AHCYL2: variants seen among roughly 807,000 people sequenced by gnomAD.
AHCYL2 encodes adenosylhomocysteinase like 2.
Under a neutral mutation model 81.4 loss-of-function variants are expected in AHCYL2, and 28 were observed. The observed-to-expected ratio is 0.34, with a 90% CI of 0.25 to 0.47. AHCYL2 has a LOEUF of 0.47. Among genes scored for constraint, AHCYL2 ranks in the 20% least tolerant of loss-of-function variants. The pLI, the probability that AHCYL2 is intolerant of heterozygous loss-of-function variation, is 1.00. For synonymous variants in AHCYL2, 272 were observed against 290.2 expected (o/e 0.94, Z 0.64); for missense variants, 551 against 785.1 (o/e 0.70, Z 3.56).
In AHCYL2 at chr7:129,389,052, C is replaced by CCAG; in HGVS notation, c.476-2_476dup. On this transcript the variant is annotated splice_polypyrimidine_tract_variant and splice_region_variant and intron_variant, in intron 2 of 16. Transcript: ENST00000325006. ...TCCGAGTGTTTTTTATTCTGTCATT[C>CCAG]CAGCGGCTTCATATACAGATAGCTC... is the stretch of plus-strand genomic sequence containing the variant. The CCAG allele has an allele frequency of 6.3e-7, 1 of 1,598,906 alleles. No homozygotes were observed. Among genetic ancestry groups the CCAG allele is most frequent in the Non-Finnish European group, 8.5e-7 (1 of 1,176,004 alleles).
chr7:129,262,709 G>C (rs1795684359), intron 1 of AHCYL2, among the ~76,000 whole-genome samples: 2 of 152,186 alleles, frequency 1.3e-5, no homozygotes, highest in Admixed American at 1.3e-4. Context: ...AGGTGTGTCT[G>C]ACCTTTCACT....
intron 1 of AHCYL2, among the ~76,000 whole-genome samples, chr7:129,257,810 A>G (rs1383790702): frequency 6.6e-6 from 1 of 152,224 alleles, no homozygotes; most frequent in Non-Finnish European, 1.5e-5. Context: ...ATGGCAGCCT[A>G]AGGATCTTAG....
At chr7:129,365,382 C>T (rs1221903902) in intron 1 of AHCYL2, among the ~76,000 whole-genome samples, 1 of 151,952 alleles carries the variant, frequency 6.6e-6, no homozygotes, top group African/African-American at 2.4e-5. Context: ...TAAGAGCTAC[C>T]ATTAATTAAC....
Position 129,422,820 on chromosome 7 carries a change from A to G in AHCYL2, c.1462-20A>G. On this transcript the variant is annotated intron_variant, in intron 12 of 16. Coordinates refer to ENST00000325006, the MANE Select transcript of AHCYL2 (RefSeq NM_015328.4). ...TGGGGCTTGCTATGGCTAATGCTGTACTTGCTGTATGTGTTCCAGGCGAGT... is the reference window on the plus strand; with the variant it reads ...TGGGGCTTGCTATGGCTAATGCTGTGCTTGCTGTATGTGTTCCAGGCGAGT... The G allele has an allele frequency of 6.2e-7, 1 of 1,610,598 alleles. No individual in the cohort carries two copies. Among genetic ancestry groups the G allele is most frequent in the Non-Finnish European group, 8.5e-7 (1 of 1,177,140 alleles).
intron 1 of AHCYL2, among the ~76,000 whole-genome samples, chr7:129,320,883 C>T (rs896484346): frequency 2.6e-5 from 4 of 152,184 alleles, no homozygotes; most frequent in Non-Finnish European, 5.9e-5. Context: ...AATGTATGAT[C>T]TTTTGTGTCT....
intron 2 of AHCYL2, among the ~76,000 whole-genome samples, chr7:129,383,678 A>C (rs373234841): frequency 6.6e-6 from 1 of 151,596 alleles, no homozygotes; most frequent in Non-Finnish European, 1.5e-5. Context: ...TCACCTCTCT[A>C]CTTCCCCAAA....
At chr7:129,336,937 G>A (rs558789821) in intron 1 of AHCYL2, among the ~76,000 whole-genome samples, 7 of 152,202 alleles carry the variant, frequency 4.6e-5, no homozygotes, top group Admixed American at 4.6e-4. Flanking sequence ...GTAAAGACGG[G>A]TGTCTCATCA....
At chr7:129,233,554 C>T (rs1794524576) in intron 1 of AHCYL2, among the ~76,000 whole-genome samples, 1 of 152,172 alleles carries the variant, frequency 6.6e-6, no homozygotes, top group Non-Finnish European at 1.5e-5. Context: ...GTGGCGCGAT[C>T]TCCGCTCACT....
At position 129,397,276 on chromosome 7, in the gene AHCYL2, A is replaced by G. The variant is rs1300628801; in HGVS notation, c.775A>G (p.Asn259Asp). The stretch of plus-strand genomic sequence containing the variant: ...GGCCCAGTGCCGATGGGCTGCCTGC[A>G]ACATCTATTCCACTCTCAATGAAGT... Reference protein sequence around the residue: ...LGAQCRWAACNIYSTLNEVAA... With the variant: ...LGAQCRWAACDIYSTLNEVAA... The change falls in exon 5 of 17, where the codon AAC (asparagine) becomes GAC (aspartate). Residue 259 changes from asparagine to aspartate, a missense_variant. Asn to Asp is a conservative substitution (Grantham distance 23). Transcript: ENST00000325006. The G allele has an allele frequency of 6.2e-7, 1 of 1,614,190 alleles. No homozygotes were observed.
chr7:129,287,604 C>G (rs1796682823), intron 1 of AHCYL2, among the ~76,000 whole-genome samples: 1 of 152,128 alleles, frequency 6.6e-6, no homozygotes, highest in African/African-American at 2.4e-5. Flanking sequence ...AAAGAAAAAC[C>G]AAGGAATTTT....
intron 1 of AHCYL2, among the ~76,000 whole-genome samples, chr7:129,345,329 T>C (rs2150821728): frequency 6.6e-6 from 1 of 152,312 alleles, no homozygotes; most frequent in South Asian, 2.1e-4. Flanking sequence ...GGGACAAACA[T>C]ACAGTATTCT....
chr7:129,268,565 G>A (rs1005752546), intron 1 of AHCYL2, among the ~76,000 whole-genome samples: 4 of 152,158 alleles, frequency 2.6e-5, no homozygotes, highest in African/African-American at 9.7e-5. Context: ...GGCCAGGCCA[G>A]TCTAAGGCCA....
At chr7:129,333,071 A>G (rs1000254139) in intron 1 of AHCYL2, among the ~76,000 whole-genome samples, 5 of 152,180 alleles carry the variant, frequency 3.3e-5, no homozygotes, top group African/African-American at 9.7e-5. Context: ...AGTCTAAGCT[A>G]TATTTCAGAA....
chr7:129,370,752 T>G (rs1473669934), intron 1 of AHCYL2, among the ~76,000 whole-genome samples: 1 of 152,176 alleles, frequency 6.6e-6, no homozygotes, highest in African/African-American at 2.4e-5. Context: ...TCTGTTCTGT[T>G]TTTAATAAGG....
At chr7:129,232,350 T>G (rs905614724) in intron 1 of AHCYL2, among the ~76,000 whole-genome samples, 1 of 152,204 alleles carries the variant, frequency 6.6e-6, no homozygotes, top group African/African-American at 2.4e-5. Context: ...AGTAATTAAC[T>G]TGTCCAAGGC....
chr7:129,242,107 T>C (rs1028434655), intron 1 of AHCYL2, among the ~76,000 whole-genome samples: 2 of 152,158 alleles, frequency 1.3e-5, no homozygotes, highest in South Asian at 4.1e-4. Context: ...TGCAGCCCTC[T>C]TTTTTACTTA....
At chr7:129,303,993 G>A (rs1029131163) in intron 1 of AHCYL2, among the ~76,000 whole-genome samples, 6 of 151,966 alleles carry the variant, frequency 3.9e-5, no homozygotes, top group Admixed American at 1.3e-4. Context: ...AGGCTGAGGC[G>A]CAAGACTCAC....
At chr7:129,303,649 T>C (rs1387304659) in intron 1 of AHCYL2, among the ~76,000 whole-genome samples, 1 of 152,262 alleles carries the variant, frequency 6.6e-6, no homozygotes, top group Non-Finnish European at 1.5e-5. Context: ...TTCAACTTCA[T>C]TTATTTCTCC....
chr7:129,258,351 A>G (rs1022472952), intron 1 of AHCYL2, among the ~76,000 whole-genome samples: 10 of 151,806 alleles, frequency 6.6e-5, no homozygotes, highest in African/African-American at 1.9e-4. Flanking sequence ...CTTATGCCTA[A>G]TTTAGGTACT....
Sources: gnomAD v4.1 joint callset for allele counts (sites outside exome capture counted in the v4.1 genomes callset) on GRCh38, gnomAD v4.1.1 for gene constraint, MANE v1.5 for transcripts, NCBI Gene and HGNC (gene_info 2026-07-23, HGNC 2026-07-21) for gene names.